The following AKR1C8 variants were observed in gnomAD, a reference collection of about 807,000 sequenced individuals.
AKR1C8 encodes the protein aldo-keto reductase family 1 member C-like protein 1.
At chr10:5,161,973 C>T in the AKR1C8 span, 1 of 520,268 alleles carries the variant, frequency 1.9e-6, no homozygotes, top group South Asian at 1.4e-5. Context: ...TAGCCCAAAG[C>T]TGCAGTGACC....
the AKR1C8 span, among the ~76,000 whole-genome samples, chr10:5,170,493 G>C: frequency 6.6e-6 from 1 of 152,028 alleles, no homozygotes; most frequent in African/African-American, 2.4e-5. Flanking sequence ...TTGTTCCATA[G>C]AAGGAATCTG....
the AKR1C8 span, among the ~76,000 whole-genome samples, chr10:5,136,817 G>A: frequency 6.6e-6 from 1 of 152,082 alleles, no homozygotes; most frequent in Admixed American, 6.6e-5. Flanking sequence ...TAAGAAAATA[G>A]TAACCAAAGA....
At chr10:5,123,580 A>AT in the AKR1C8 span, 1 of 812,002 alleles carries the variant, frequency 1.2e-6, no homozygotes, top group Non-Finnish European at 1.9e-6. Context: ...ATCACCTGGG[A>AT]TCTCGTCAGA....
At chr10:5,118,904 C>G in the AKR1C8 span, among the ~76,000 whole-genome samples, 1 of 150,484 alleles carries the variant, frequency 6.6e-6, no homozygotes, top group African/African-American at 2.5e-5. Context: ...AATACTATCT[C>G]TATATGCCAA....
the AKR1C8 span, among the ~76,000 whole-genome samples, chr10:5,138,670 A>G: frequency 1.3e-5 from 2 of 152,158 alleles, no homozygotes; most frequent in African/African-American, 4.8e-5. Flanking sequence ...GGGAACTGAT[A>G]AATGTCCATT....
the AKR1C8 span, among the ~76,000 whole-genome samples, chr10:5,175,614 T>A: frequency 2.0e-5 from 3 of 152,218 alleles, no homozygotes; most frequent in Non-Finnish European, 4.4e-5. Context: ...TGTTACTATT[T>A]CTCCACATCC....
chr10:5,175,696 T>A, the AKR1C8 span, among the ~76,000 whole-genome samples: 5 of 152,336 alleles, frequency 3.3e-5, no homozygotes, highest in East Asian at 5.8e-4. Context: ...TATCTCATCA[T>A]GGTTTTGATT....
chr10:5,132,735 A>G, the AKR1C8 span: 2 of 1,537,936 alleles, frequency 1.3e-6, no homozygotes, highest in Non-Finnish European at 1.8e-6. Context: ...TTCTATTGCT[A>G]ATTTTGTAAC....
At chr10:5,161,962 G>A in the AKR1C8 span, 1 of 532,132 alleles carries the variant, frequency 1.9e-6, no homozygotes, top group South Asian at 1.4e-5. Context: ...CCGAAAGAAA[G>A]TAGCCCAAAG....
At chr10:5,178,827 C>G in the AKR1C8 span, among the ~76,000 whole-genome samples, 7 of 151,682 alleles carry the variant, frequency 4.6e-5, no homozygotes, top group African/African-American at 1.7e-4. Context: ...TTTCCATTTG[C>G]TTGGTAGATC....
At chr10:5,117,487 T>C in the AKR1C8 span, among the ~76,000 whole-genome samples, 1 of 152,210 alleles carries the variant, frequency 6.6e-6, no homozygotes, top group Non-Finnish European at 1.5e-5. Context: ...AAATGGTATG[T>C]CTGTGATTAT....
At chr10:5,165,025 T>C in the AKR1C8 span, among the ~76,000 whole-genome samples, 1 of 152,178 alleles carries the variant, frequency 6.6e-6, no homozygotes, top group Non-Finnish European at 1.5e-5. Context: ...AGGAATGTAA[T>C]TCAAATAGGT....
the AKR1C8 span, among the ~76,000 whole-genome samples, chr10:5,146,968 G>T: frequency 6.6e-6 from 1 of 152,086 alleles, no homozygotes; most frequent in Non-Finnish European, 1.5e-5. Flanking sequence ...TGCTATAAAG[G>T]CATACCCGAA....
At chr10:5,169,585 C>T in the AKR1C8 span, among the ~76,000 whole-genome samples, 30 of 149,380 alleles carry the variant, frequency 2.0e-4, no homozygotes, top group African/African-American at 7.3e-4. Context: ...TTGGAAAGAT[C>T]CATGTTTTTT....
chr10:5,124,731 T>C, the AKR1C8 span, among the ~76,000 whole-genome samples: 1 of 152,160 alleles, frequency 6.6e-6, no homozygotes, highest in Non-Finnish European at 1.5e-5. Flanking sequence ...TTGATAATTA[T>C]CATCCAGCAG....
At chr10:5,171,091 C>T in the AKR1C8 span, among the ~76,000 whole-genome samples, 2 of 152,202 alleles carry the variant, frequency 1.3e-5, no homozygotes, top group African/African-American at 4.8e-5. Context: ...TAATTCCTGT[C>T]CTGTTTGATA....
chr10:5,118,577 G>A, the AKR1C8 span, among the ~76,000 whole-genome samples: 1 of 152,142 alleles, frequency 6.6e-6, no homozygotes, highest in Non-Finnish European at 1.5e-5. Flanking sequence ...CCTACCTTGG[G>A]GAAGAAAGAT....
the AKR1C8 span, chr10:5,158,811 T>G: frequency 2.4e-6 from 1 of 424,836 alleles, no homozygotes; most frequent in South Asian, 1.8e-5. Context: ...CATTAATAGA[T>G]GTACTATACT....
At chr10:5,175,350 C>T in the AKR1C8 span, among the ~76,000 whole-genome samples, 33 of 152,076 alleles carry the variant, frequency 2.2e-4, no homozygotes, top group Non-Finnish European at 3.7e-4. Context: ...GTATATGTGC[C>T]ACATTTTCTT....
Sources: gnomAD v4.1 joint callset for allele counts (sites outside exome capture counted in the v4.1 genomes callset) on GRCh38, gnomAD v4.1.1 for gene constraint, MANE v1.5 for transcripts, NCBI Gene and HGNC (gene_info 2026-07-23, HGNC 2026-07-21) for gene names.